Variants in SASH1 observed in about 807,000 individuals in gnomAD.
The protein encoded by SASH1 is SAM and SH3 domain-containing protein 1.
A neutral mutation model predicts 125.2 loss-of-function variants in SASH1; 44 were observed. The ratio of observed to expected loss-of-function variants is 0.35; its 90% CI spans 0.28 to 0.45. SASH1 has a LOEUF of 0.45. SASH1 is among the 20% of genes least tolerant of loss of function. The pLI, the probability that SASH1 is intolerant of heterozygous loss-of-function variation, is 1.00. For synonymous variants in SASH1, 639 were observed against 649.1 expected (o/e 0.98, Z 0.24); for missense variants, 1,426 against 1,614.5 (o/e 0.88, Z 2.00).
chr6:148,313,684 G>A (rs927077514), intron 1 of SASH1, among the ~76,000 whole-genome samples: 8 of 152,224 alleles, frequency 5.3e-5, no homozygotes, highest in Middle Eastern at 6.8e-3. Context: ...TCATTTTAAT[G>A]CTGTTTCTAA....
chr6:148,440,100 C>T lies in SASH1; in HGVS notation c.286-84C>T. On this transcript the variant is annotated intron_variant, in intron 2 of 19. Transcript: ENST00000367467. ...ATACCCCAACCTTTCCCGAATCCTC[C>T]CCTCTCTTCTTACATGTCTATTTGT... is the stretch of plus-strand genomic sequence containing the variant. The T allele has an allele frequency of 3.1e-6, 4 of 1,297,698 alleles. No individual in the cohort carries two copies. The South Asian group carries it at 4.8e-5, about 15-fold the overall frequency. The allele number at this position is 1,297,698 out of a possible 1,614,324, so 80.4% of individuals were successfully genotyped here.
chr6:148,498,476 G>GA (rs1342158872), intron 8 of SASH1, among the ~76,000 whole-genome samples: 3 of 151,660 alleles, frequency 2.0e-5, no homozygotes, highest in African/African-American at 7.3e-5. Flanking sequence ...AAATAACCCA[G>GA]ATACTATATA....
chr6:148,374,856 A>G (rs553675712), intron 1 of SASH1, among the ~76,000 whole-genome samples: 3 of 152,024 alleles, frequency 2.0e-5, no homozygotes, highest in South Asian at 4.2e-4. Context: ...GCCACCATGC[A>G]TGGCTAATTT....
intron 18 of SASH1, 87 bp from the exon 19 acceptor site, chr6:148,545,928 G>T: frequency 7.6e-7 from 1 of 1,318,126 alleles, no homozygotes. Context: ...GTGACAGTGA[G>T]ACCCTACGTT....
intron 1 of SASH1, among the ~76,000 whole-genome samples, chr6:148,312,897 C>T (rs1780372174): frequency 6.6e-6 from 1 of 152,036 alleles, no homozygotes; most frequent in South Asian, 2.1e-4. Flanking sequence ...TGAGAAGAGA[C>T]AGTCAAGAAA....
At position 148,531,522 on chromosome 6, in the gene SASH1, G is replaced by A. The variant is rs1319989348; in HGVS notation, c.1429-4G>A. 1.3e-6 allele frequency: 2 copies of A among 1,503,674 alleles called. No individual in the cohort carries two copies. Among genetic ancestry groups the A allele is most frequent in the Non-Finnish European group, 8.9e-7 (1 of 1,122,858 alleles). The allele number at this position is 1,503,674 out of a possible 1,614,324, so 93.1% of individuals were successfully genotyped here. On this transcript the variant is annotated splice_region_variant and splice_polypyrimidine_tract_variant and intron_variant, in intron 12 of 19. Coordinates refer to ENST00000367467, the MANE Select transcript of SASH1 (RefSeq NM_015278.5). ...CTTCTTCATTTTGTTGAAACCCATG[G>A]CAGGACTCGGGCCTTGATGGAATGC...
At chr6:148,363,560 C>A (rs917235739) in intron 1 of SASH1, among the ~76,000 whole-genome samples, 1 of 152,058 alleles carries the variant, frequency 6.6e-6, no homozygotes, top group Non-Finnish European at 1.5e-5. Flanking sequence ...GCCACCACAC[C>A]CGGCTAATTT....
intron 1 of SASH1, among the ~76,000 whole-genome samples, chr6:148,357,484 A>G (rs1781990313): frequency 2.6e-5 from 4 of 152,144 alleles, no homozygotes; most frequent in Admixed American, 2.6e-4. Flanking sequence ...TAAAGCCAGA[A>G]AGTCTCCCAC....
chr6:148,489,213 T>G (rs1455356213), intron 8 of SASH1, among the ~76,000 whole-genome samples: 1 of 152,212 alleles, frequency 6.6e-6, no homozygotes, highest in Non-Finnish European at 1.5e-5. Flanking sequence ...CAGAACCATT[T>G]GTTGAAAAGA....
the SASH1 span, among the ~76,000 whole-genome samples, chr6:148,244,868 C>T: frequency 1.3e-5 from 2 of 150,264 alleles, no homozygotes; most frequent in African/African-American, 4.9e-5. Flanking sequence ...CTAAGCTGTT[C>T]ACAGGTTCTG....
At chr6:148,492,288 C>A (rs1473224560) in intron 8 of SASH1, among the ~76,000 whole-genome samples, 3 of 152,190 alleles carry the variant, frequency 2.0e-5, no homozygotes, top group African/African-American at 7.2e-5. Flanking sequence ...GTTTATGAGA[C>A]CCCTTTCAGA....
At chr6:148,301,188 T>C (rs1779932447) in intron 1 of SASH1, among the ~76,000 whole-genome samples, 3 of 150,620 alleles carry the variant, frequency 2.0e-5, no homozygotes, top group Admixed American at 1.3e-4. Flanking sequence ...TAGCCGGGAG[T>C]GGTGGTGCAT....
At chr6:148,249,369 ACG>A in the SASH1 span, among the ~76,000 whole-genome samples, 1 of 151,328 alleles carries the variant, frequency 6.6e-6, no homozygotes, top group Admixed American at 6.6e-5. Flanking sequence ...ACACATGCGC[ACG>A]TGGGCTGATA....
At chr6:148,473,841 C>G (rs1778222623) in intron 6 of SASH1, among the ~76,000 whole-genome samples, 1 of 152,166 alleles carries the variant, frequency 6.6e-6, no homozygotes, top group Non-Finnish European at 1.5e-5. Flanking sequence ...CCACTGGGTA[C>G]TCTATCTCAA....
chr6:148,270,465 T>C (rs1779036529), upstream of SASH1, among the ~76,000 whole-genome samples: 1 of 152,208 alleles, frequency 6.6e-6, no homozygotes, highest in African/African-American at 2.4e-5. Context: ...TGGGGAGTTA[T>C]GCCTTTGGTG....
chr6:148,305,887 G>A (rs1369591072), intron 1 of SASH1, among the ~76,000 whole-genome samples: 1 of 152,116 alleles, frequency 6.6e-6, no homozygotes. Context: ...GTACCAGAAC[G>A]TTTATGTTTT....
chr6:148,472,312 A>G (rs569361230), intron 6 of SASH1, among the ~76,000 whole-genome samples: 2 of 152,314 alleles, frequency 1.3e-5, no homozygotes, highest in South Asian at 2.1e-4. Context: ...TGAACAGCAG[A>G]CACGTCACAG....
chr6:148,439,498 G>T (rs1030966099), intron 2 of SASH1, among the ~76,000 whole-genome samples: 2 of 152,180 alleles, frequency 1.3e-5, no homozygotes, highest in Non-Finnish European at 2.9e-5. Context: ...TTGGATTGGG[G>T]CTGGGCGCGG....
At position 148,443,451 on chromosome 6, in the gene SASH1, T is replaced by TATATTATATATAATAC. The variant is rs1776636361; in HGVS notation, c.386+3056_386+3071dup. On this transcript the variant is annotated intron_variant, in intron 4 of 19. Coordinates refer to ENST00000367467, the MANE Select transcript of SASH1 (RefSeq NM_015278.5). ...TTGTAGTGAATATATATATAATATA[T>TATATTATATATAATAC]ATATTATATATAATACATATTATAT... 6.8e-5 allele frequency among the ~76,000 whole-genome samples: 10 copies of TATATTATATATAATAC among 147,016 alleles called. No individual in the cohort carries two copies. The South Asian group carries it at 2.1e-3, about 31-fold the overall frequency.
Sources: allele counts gnomAD v4.1 joint callset (sites outside exome capture counted in the v4.1 genomes callset), GRCh38; gene constraint gnomAD v4.1.1; transcripts MANE v1.5; gene names NCBI Gene and HGNC (gene_info 2026-07-23, HGNC 2026-07-21).